The following UGT3A1 variants were observed in gnomAD, a reference collection of about 807,000 sequenced individuals.
UGT3A1 encodes UDP glycosyltransferase family 3 member A1, also known as UDP-glycosyltransferase 3A1.
In UGT3A1, 40 loss-of-function variants were observed where a neutral mutation model predicts 37.6. That is an observed-to-expected ratio of 1.06 (90% CI 0.83 to 1.38). The LOEUF is 1.38. Ranked by LOEUF, UGT3A1 falls within the 40% of genes most tolerant of loss-of-function variation. UGT3A1 has a pLI of 0.00. For synonymous variants in UGT3A1, 256 were observed against 232.3 expected (o/e 1.10, Z -0.93); for missense variants, 642 against 634.2 (o/e 1.01, Z -0.13).
Position 35,976,976 on chromosome 5 carries a change from AAG to A in UGT3A1, c.197-8845_197-8844del, listed in dbSNP as rs1485619865. On this transcript the variant is annotated intron_variant, in intron 2 of 6. Coordinates refer to ENST00000274278, the MANE Select transcript of UGT3A1 (RefSeq NM_152404.4). ...AAAGAAAGAAAGAGAGAAAGGGAGA[AAG>A]AGAAGAGAAAGAGAAAGAAAGAAAA... 2.0e-5 allele frequency among the ~76,000 whole-genome samples: 3 copies of A among 151,232 alleles called. No homozygotes were observed. In the East Asian group the frequency reaches 5.8e-4, roughly 29 times the overall value.
chr5:35,993,737 G>C (rs1254243070), upstream of UGT3A1, among the ~76,000 whole-genome samples: 2 of 152,162 alleles, frequency 1.3e-5, no homozygotes, highest in African/African-American at 2.4e-5. Context: ...CTGAGTGAAA[G>C]TGACCCAGCC....
rs547140932 is a variant in UGT3A1 at position 35,968,000 on chromosome 5, T to C, written c.311+19A>G. ...ACTAAAATAGTGACTCTTTGCTTCA[T>C]AGAATGAAAAGAAGTTACCTGCCAT... On this transcript the variant is annotated intron_variant, in intron 3 of 6. Transcript: ENST00000274278. The C allele has an allele frequency of 7.0e-5, 110 of 1,572,978 alleles. No individual in the cohort carries two copies. In the African/African-American group the frequency reaches 1.2e-3, roughly 17 times the overall value.
upstream of UGT3A1, among the ~76,000 whole-genome samples, chr5:35,992,169 C>T (rs568824676): frequency 2.6e-5 from 4 of 152,296 alleles, no homozygotes; most frequent in East Asian, 7.7e-4. Context: ...GTAATAGGCC[C>T]TTGAATTCTG....
chr5:35,969,001 A>C (rs1304484610), intron 2 of UGT3A1, among the ~76,000 whole-genome samples: 2 of 152,196 alleles, frequency 1.3e-5, no homozygotes, highest in African/African-American at 2.4e-5. Context: ...TGTGTTTCTC[A>C]ACTACAGCAT....
At chr5:35,962,952 C>G in intron 4 of UGT3A1, 1 of 702,878 alleles carries the variant, frequency 1.4e-6, no homozygotes, top group Middle Eastern at 2.3e-4. Context: ...GTTGCCCATT[C>G]TGAAAGACAG....
Position 35,954,098 on chromosome 5 carries a change from G to A in UGT3A1, c.*104C>T. 4 of 1,231,186 alleles carry A rather than the reference G, an allele frequency of 3.2e-6. No individual in the cohort carries two copies. The highest frequency in any genetic ancestry group is 4.6e-6 in the Non-Finnish European group (4 of 878,886). 76.3% of individuals were successfully genotyped at this position (1,231,186 alleles called of 1,614,324 possible). A position where few individuals can be genotyped will look rare whatever the true frequency, so the allele number is the denominator to read the frequency against. ...AAAGAAGCAAGTTGCAGGATCAGTG[G>A]CAGGTGGAGCTGAAGAGAGAACAGA... On this transcript the variant is annotated 3_prime_UTR_variant, in exon 7 of 7. Coordinates refer to ENST00000274278, the MANE Select transcript of UGT3A1 (RefSeq NM_152404.4).
Position 35,955,639 on chromosome 5 carries a change from A to G in UGT3A1, c.1295+6T>C, listed in dbSNP as rs113340829. 617 of 1,614,220 alleles carry G rather than the reference A, an allele frequency of 3.8e-4. 6 individuals carry two copies. The African/African-American group carries it at 7.2e-3, about 19-fold the overall frequency. ...TTAGTGACCACATGCTTAGAGAGCC[A>G]CATACCTCTTGTCTTCTATGACTTG... is the stretch of plus-strand genomic sequence containing the variant. On this transcript the variant is annotated splice_donor_region_variant and intron_variant, in intron 6 of 6. Transcript: ENST00000274278.
chr5:35,962,716 A>C (rs928498016), intron 4 of UGT3A1: 1 of 590,324 alleles, frequency 1.7e-6, no homozygotes, highest in Non-Finnish European at 3.0e-6. Context: ...ATCACAATGA[A>C]TGGTTCCTTC....
intron 2 of UGT3A1, among the ~76,000 whole-genome samples, chr5:35,981,601 C>T (rs1162244278): frequency 2.0e-5 from 3 of 152,148 alleles, no homozygotes; most frequent in Non-Finnish European, 2.9e-5. Context: ...GGTCTGGCTG[C>T]TTCTAAAAGC....
intron 2 of UGT3A1, among the ~76,000 whole-genome samples, chr5:35,971,613 ACT>A (rs1329259912): frequency 6.6e-6 from 1 of 151,734 alleles, no homozygotes; most frequent in Non-Finnish European, 1.5e-5. Context: ...ATGAAGACCC[ACT>A]CTCTCCCTTT....
chr5:35,962,879 G>C, intron 4 of UGT3A1: 1 of 702,772 alleles, frequency 1.4e-6, no homozygotes, highest in East Asian at 2.7e-5. Flanking sequence ...GAGGGTCAAA[G>C]CCATCTCAGT....
upstream of UGT3A1, among the ~76,000 whole-genome samples, chr5:35,995,002 G>C (rs1194636153): frequency 2.6e-5 from 4 of 152,152 alleles, no homozygotes; most frequent in Non-Finnish European, 5.9e-5. Context: ...GAAAACGCAG[G>C]CACAAAAACT....
At chr5:35,969,473 C>T (rs1739948544) in intron 2 of UGT3A1, among the ~76,000 whole-genome samples, 1 of 152,060 alleles carries the variant, frequency 6.6e-6, no homozygotes, top group Non-Finnish European at 1.5e-5. Context: ...TTAGAAAGGA[C>T]ACCCATCCAC....
chr5:35,960,502 C>A (rs1415290763), intron 4 of UGT3A1, among the ~76,000 whole-genome samples: 1 of 152,186 alleles, frequency 6.6e-6, no homozygotes, highest in Non-Finnish European at 1.5e-5. Context: ...GCTCAAACTC[C>A]TTACAGAAGG....
chr5:35,963,274 C>T (rs1278301214), intron 4 of UGT3A1, among the ~76,000 whole-genome samples: 4 of 152,206 alleles, frequency 2.6e-5, no homozygotes, highest in Non-Finnish European at 5.9e-5. Context: ...GGAATTTGTC[C>T]TGCCCATTTA....
At chr5:35,994,333 T>TTGTGTATGTG (rs1554075279), upstream of UGT3A1, among the ~76,000 whole-genome samples, 1 of 138,640 alleles carries the variant, frequency 7.2e-6, no homozygotes, top group African/African-American at 2.6e-5. Context: ...TTTGTTTTGT[T>TTGTGTATGTG]TGTGTGTGTG....
chr5:35,988,230 G>T (rs529713883), intron 2 of UGT3A1, among the ~76,000 whole-genome samples: 1 of 151,982 alleles, frequency 6.6e-6, no homozygotes, highest in Admixed American at 6.5e-5. Context: ...ATGACACCCA[G>T]GTAAGTGGTA....
At chr5:36,000,982 C>T (rs1057481572) in exon 1 of UGT3A1, 1 of 152,210 alleles carries the variant, frequency 6.6e-6, no homozygotes, top group Non-Finnish European at 1.5e-5. Flanking sequence ...TATGTGGACT[C>T]ATGCCTCTTT....
Position 35,954,229 on chromosome 5 carries a change from A to G in UGT3A1, c.1545T>C (p.Arg515=), listed in dbSNP as rs745945338. The change falls in exon 7 of 7, where the codon CGT becomes CGC. Residue 515 remains arginine (R), a synonymous_variant. Transcript: ENST00000274278. The part of the protein sequence containing the change: ...KLLGVVARWL[R]GARKVKKT ...ATGTCTTCTTCACCTTCCTGGCCCC[A>G]CGCAGCCACCTGGCCACCACACCCA... The G allele has an allele frequency of 1.2e-6, 2 of 1,613,990 alleles. No individual in the cohort carries two copies. Among genetic ancestry groups the G allele is most frequent in the Non-Finnish European group, 1.7e-6 (2 of 1,180,010 alleles).
Sources: allele counts gnomAD v4.1 joint callset (sites outside exome capture counted in the v4.1 genomes callset), GRCh38; gene constraint gnomAD v4.1.1; transcripts MANE v1.5; gene names NCBI Gene and HGNC (gene_info 2026-07-23, HGNC 2026-07-21).